The following EIPR1 variants were observed in gnomAD, a reference collection of about 807,000 sequenced individuals.
EIPR1 encodes EARP complex and GARP complex interacting protein 1, also known as EARP and GARP complex-interacting protein 1.
Under a neutral mutation model 48.1 loss-of-function variants are expected in EIPR1, and 25 were observed. The observed-to-expected ratio is 0.52, with a 90% CI of 0.38 to 0.73. The LOEUF is 0.73. Ranked by LOEUF, EIPR1 falls within the 30% of genes least tolerant of loss-of-function variation. EIPR1 has a pLI of 0.00. For synonymous variants in EIPR1, 204 were observed against 201.9 expected (o/e 1.01, Z -0.09); for missense variants, 415 against 506.2 (o/e 0.82, Z 1.73).
chr2:3,238,289 C>T (rs754272483), intron 4 of EIPR1, among the ~76,000 whole-genome samples: 27 of 152,318 alleles, frequency 1.8e-4, no homozygotes, highest in Non-Finnish European at 3.7e-4. Flanking sequence ...CTTTCCGGAG[C>T]GCCCGTGACC....
intron 5 of EIPR1, among the ~76,000 whole-genome samples, chr2:3,204,297 G>A (rs1325691295): frequency 2.6e-5 from 4 of 152,232 alleles, no homozygotes; most frequent in African/African-American, 7.2e-5. Context: ...GCTAACGCCT[G>A]TACTCCCAGG....
intron 2 of EIPR1, among the ~76,000 whole-genome samples, chr2:3,347,841 G>C (rs1459288099): frequency 2.0e-5 from 3 of 152,190 alleles, no homozygotes; most frequent in Non-Finnish European, 4.4e-5. Context: ...TGACAGGCTG[G>C]AGCCTCTGGA....
intron 4 of EIPR1, among the ~76,000 whole-genome samples, chr2:3,231,189 G>A (rs1666232608): frequency 6.6e-6 from 1 of 152,136 alleles, no homozygotes. Flanking sequence ...ATTCTTGTAT[G>A]CAGATTTTGT....
At chr2:3,190,853 G>A (rs1019904643) in intron 8 of EIPR1, among the ~76,000 whole-genome samples, 2 of 152,234 alleles carry the variant, frequency 1.3e-5, no homozygotes, top group Admixed American at 6.5e-5. Context: ...TGTAATCCTA[G>A]CACTTTGGGA....
At chr2:3,209,979 C>G (rs536953692) in intron 5 of EIPR1, among the ~76,000 whole-genome samples, 1 of 152,080 alleles carries the variant, frequency 6.6e-6, no homozygotes, top group Non-Finnish European at 1.5e-5. Context: ...TTGTCCAAAC[C>G]CACAGAACAT....
In EIPR1 at chr2:3,336,868, AAGGGAAG is replaced by A. The variant is rs1185154165; in HGVS notation, c.259+1142_259+1148del. Among the ~76,000 whole-genome samples, 543 of 103,410 alleles carry A rather than the reference AAGGGAAG, an allele frequency of 5.3e-3. 63 individuals are homozygous for A. Among genetic ancestry groups the A allele is most frequent in the Non-Finnish European group, 6.9e-3 (333 of 48,314 alleles). 67.8% of individuals were successfully genotyped at this position (103,410 alleles called of 152,430 possible). ...GAAGGGAAAAGGGAAGGGAAGGGAA[AAGGGAAG>A]GGAAGGGAAAAGGGAAGGGAAGGGA... On this transcript the variant is annotated intron_variant, in intron 3 of 8. Transcript: ENST00000382125.
chr2:3,333,638 G>A (rs1479229027), intron 3 of EIPR1, among the ~76,000 whole-genome samples: 1 of 151,642 alleles, frequency 6.6e-6, no homozygotes, highest in Non-Finnish European at 1.5e-5. Flanking sequence ...CTAGTTGAGA[G>A]ACTGAGATGG....
intron 3 of EIPR1, among the ~76,000 whole-genome samples, chr2:3,282,230 T>TGG: frequency 6.6e-6 from 1 of 152,298 alleles, no homozygotes; most frequent in East Asian, 1.9e-4. Context: ...CACCGTCAGG[T>TGG]GGGGGCACTG....
intron 3 of EIPR1, among the ~76,000 whole-genome samples, chr2:3,299,622 T>TCACACACACACACA (rs574613479): frequency 2.0e-4 from 28 of 141,142 alleles, no homozygotes; most frequent in South Asian, 9.2e-4. Flanking sequence ...TCTCTCTCTC[T>TCACACACACACACA]CTCACACACA....
intron 4 of EIPR1, among the ~76,000 whole-genome samples, chr2:3,246,877 G>GA (rs1287874827): frequency 4.7e-5 from 3 of 63,626 alleles, no homozygotes; most frequent in Admixed American, 1.4e-4. Context: ...AGGAGGGAGG[G>GA]AGGGAGGGAG....
intron 3 of EIPR1, among the ~76,000 whole-genome samples, chr2:3,304,545 C>T (rs1171523093): frequency 1.8e-4 from 1 of 5,582 alleles, no homozygotes. Context: ...CAATCCCATC[C>T]AGTTCAACCT....
At chr2:3,284,100 A>G (rs1668102434) in intron 3 of EIPR1, among the ~76,000 whole-genome samples, 1 of 152,202 alleles carries the variant, frequency 6.6e-6, no homozygotes, top group Non-Finnish European at 1.5e-5. Context: ...CAGGCACAGA[A>G]GGCCGCGGCA....
chr2:3,334,717 A>T (rs1310585803), intron 3 of EIPR1, among the ~76,000 whole-genome samples: 1 of 152,266 alleles, frequency 6.6e-6, no homozygotes, highest in African/African-American at 2.4e-5. Flanking sequence ...TGGGATGTAA[A>T]TCTCAGTTCT....
At chr2:3,281,048 C>T (rs1667997690) in intron 3 of EIPR1, among the ~76,000 whole-genome samples, 3 of 152,106 alleles carry the variant, frequency 2.0e-5, no homozygotes, top group Admixed American at 2.0e-4. Context: ...AAGCACCATA[C>T]CCACCCCCAT....
At chr2:3,232,852 G>C (rs2103170021) in intron 4 of EIPR1, among the ~76,000 whole-genome samples, 1 of 152,262 alleles carries the variant, frequency 6.6e-6, no homozygotes, top group South Asian at 2.1e-4. Context: ...ACCCTGAAAA[G>C]CACATACACT....
At chr2:3,341,103 A>C (rs990885232) in intron 2 of EIPR1, among the ~76,000 whole-genome samples, 3 of 147,804 alleles carry the variant, frequency 2.0e-5, no homozygotes, top group African/African-American at 7.5e-5. Context: ...CTCAAAAAAA[A>C]AAAAAAAAAA....
intron 4 of EIPR1, among the ~76,000 whole-genome samples, chr2:3,238,691 C>T (rs6548140): frequency 1.3e-5 from 2 of 152,182 alleles, no homozygotes; most frequent in Non-Finnish European, 2.9e-5. Flanking sequence ...GCCTTTGAAC[C>T]TTCGCCGTTC....
intron 2 of EIPR1, among the ~76,000 whole-genome samples, chr2:3,338,553 A>G (rs35287502): frequency 0.25 from 37,435 of 152,082 alleles, 4,823 homozygotes; most frequent in Non-Finnish European, 0.27. Context: ...GGGCAGGCGC[A>G]GCAGGGCACG....
intron 3 of EIPR1, among the ~76,000 whole-genome samples, chr2:3,289,265 G>C (rs1668297116): frequency 6.6e-6 from 1 of 152,114 alleles, no homozygotes; most frequent in African/African-American, 2.4e-5. Flanking sequence ...TCTTCTCTCT[G>C]GGTGATCCTC....
Sources: allele counts gnomAD v4.1 joint callset (sites outside exome capture counted in the v4.1 genomes callset), GRCh38; gene constraint gnomAD v4.1.1; transcripts MANE v1.5; gene names NCBI Gene and HGNC (gene_info 2026-07-23, HGNC 2026-07-21).